RAB11FIP5: variants seen among roughly 807,000 people sequenced by gnomAD.
RAB11FIP5 encodes the protein rab11 family-interacting protein 5.
A neutral mutation model predicts 85.1 loss-of-function variants in RAB11FIP5; 48 were observed. The observed-to-expected ratio is 0.56, with a 90% CI of 0.45 to 0.72. The LOEUF (loss-of-function observed/expected upper bound fraction) is 0.72, where lower values mean the gene tolerates loss of function less well. RAB11FIP5 is among the 30% of genes least tolerant of loss of function. The probability of loss-of-function intolerance (pLI) is 0.00; values close to 1 mark genes in which losing one functional copy is unlikely to be tolerated. For missense variants in RAB11FIP5, 1,491 were observed against 1,687.0 expected (o/e 0.88, Z 2.04); for synonymous variants, 729 against 727.3 (o/e 1.00, Z -0.04).
At chr2:73,110,362 G>A (rs1041341273) in intron 1 of RAB11FIP5, among the ~76,000 whole-genome samples, 1 of 152,146 alleles carries the variant, frequency 6.6e-6, no homozygotes, top group Non-Finnish European at 1.5e-5. Flanking sequence ...ACCACAGCGG[G>A]GGTGACAGCC....
chr2:73,087,532 C>T (rs112517198), intron 3 of RAB11FIP5, among the ~76,000 whole-genome samples: 1,664 of 152,206 alleles, frequency 0.011, 20 homozygotes, highest in Non-Finnish European at 0.019. Context: ...GGTGAATGGA[C>T]GGGGGAAGGA....
rs549703489 is a variant in RAB11FIP5, at chr2:73,074,061, T to C, written c.*1460A>G. On this transcript the variant is annotated 3_prime_UTR_variant, in exon 6 of 6. Coordinates refer to ENST00000486777, the MANE Select transcript of RAB11FIP5 (RefSeq NM_001371272.1). ...GCTGCCAAAGTTCCCTGCAGATGCCTTGGGGAAGCCTACCATGTTTTCTAC... is the reference window on the plus strand; with the variant it reads ...GCTGCCAAAGTTCCCTGCAGATGCCCTGGGGAAGCCTACCATGTTTTCTAC... 6.6e-6 allele frequency: 1 copy of C among 152,354 alleles called. No individual in the cohort carries two copies. Among genetic ancestry groups the C allele is most frequent in the Non-Finnish European group, 1.5e-5 (1 of 68,048 alleles). 9.4% of individuals were successfully genotyped at this position (152,354 alleles called of 1,614,324 possible).
intron 1 of RAB11FIP5, among the ~76,000 whole-genome samples, chr2:73,105,875 C>T (rs1684515430): frequency 6.6e-6 from 1 of 152,046 alleles, no homozygotes; most frequent in Admixed American, 6.6e-5. Context: ...AGCCAGACTG[C>T]CTGGGTTCAC....
chr2:73,100,828 G>A lies in RAB11FIP5; in HGVS notation c.432-11513C>T, dbSNP rs191767701. ...TTTTTGTTTTTTTTTGTTTTGAGAC[G>A]GAGTCTCGTTCTGTTGCCCAGGCTG... On this transcript the variant is annotated intron_variant, in intron 1 of 5. Transcript: ENST00000486777. Among the ~76,000 whole-genome samples, 503 of 151,214 alleles carry A rather than the reference G, an allele frequency of 3.3e-3. 1 individual carries two copies. Among genetic ancestry groups the A allele is most frequent in the Middle Eastern group, 6.8e-3 (2 of 292 alleles).
At chr2:73,095,867 G>A (rs912697282) in intron 1 of RAB11FIP5, among the ~76,000 whole-genome samples, 5 of 152,068 alleles carry the variant, frequency 3.3e-5, no homozygotes, top group African/African-American at 1.2e-4. Context: ...CCTTTCAAAA[G>A]GTTGGCACAA....
chr2:73,111,524 C>G (rs1056543673), intron 1 of RAB11FIP5, among the ~76,000 whole-genome samples: 1 of 152,194 alleles, frequency 6.6e-6, no homozygotes, highest in African/African-American at 2.4e-5. Flanking sequence ...AAGGCTGAAG[C>G]CTTGATCTTA....
chr2:73,109,296 C>T (rs1202075691), intron 1 of RAB11FIP5, among the ~76,000 whole-genome samples: 1 of 152,178 alleles, frequency 6.6e-6, no homozygotes, highest in Non-Finnish European at 1.5e-5. Context: ...TCGGAGGCTG[C>T]TGAAGCACCT....
chr2:73,076,160 T>C lies in RAB11FIP5; in HGVS notation c.3604A>G (p.Ser1202Gly), dbSNP rs771433171. 1.2e-6 allele frequency: 2 copies of C among 1,611,764 alleles called. No homozygotes were observed. The highest frequency in any genetic ancestry group is 1.7e-5 in the Admixed American group (1 of 59,988). The change falls in exon 5 of 6, where the codon AGT (serine) becomes GGT (glycine). Residue 1202 changes from serine to glycine, a missense_variant. Ser to Gly is a moderately conservative substitution (Grantham distance 56, BLOSUM62 0). This residue lies in a region of RAB11FIP5 where 232 missense variants were observed against 259.1 expected (regional missense o/e 0.90). Coordinates refer to ENST00000486777, the MANE Select transcript of RAB11FIP5 (RefSeq NM_001371272.1). ...GGGCTGCCCTCCACAGGGGCGGCAC[T>C]GAGGGGCTTCACGGGGTGGGGACTG... is the stretch of plus-strand genomic sequence containing the variant. ...SASPHPVKPL[S>G]AAPVEGSPDR... is the part of the protein sequence containing the mutation.
intron 3 of RAB11FIP5, among the ~76,000 whole-genome samples, chr2:73,084,715 C>A (rs1307453712): frequency 1.3e-5 from 2 of 152,246 alleles, no homozygotes; most frequent in Non-Finnish European, 2.9e-5. Context: ...GCAGACAACT[C>A]TTCCTTGGGC....
At chr2:73,103,591 C>A (rs114024522) in intron 1 of RAB11FIP5, among the ~76,000 whole-genome samples, 2,944 of 152,288 alleles carry the variant, frequency 0.019, 40 homozygotes, top group African/African-American at 0.024. Context: ...GGTCATTCCA[C>A]CTCCTGAGAC....
intron 1 of RAB11FIP5, among the ~76,000 whole-genome samples, chr2:73,108,321 C>G (rs1325857373): frequency 6.6e-6 from 1 of 152,182 alleles, no homozygotes; most frequent in Non-Finnish European, 1.5e-5. Context: ...ATCCAACAGG[C>G]CCAGGATGAC....
At chr2:73,100,890 C>A (rs543916618) in intron 1 of RAB11FIP5, among the ~76,000 whole-genome samples, 2 of 152,124 alleles carry the variant, frequency 1.3e-5, no homozygotes, top group African/African-American at 2.4e-5. Flanking sequence ...CTGCAACCTA[C>A]GCCAGCCTGC....
At chr2:73,084,944 G>A (rs535090599) in intron 3 of RAB11FIP5, among the ~76,000 whole-genome samples, 3 of 152,310 alleles carry the variant, frequency 2.0e-5, no homozygotes, top group Admixed American at 2.0e-4. Flanking sequence ...TCCAAGAGAC[G>A]GGTACATCCT....
chr2:73,080,872 G>A lies in RAB11FIP5; in HGVS notation c.2360C>T (p.Ser787Phe). 1 of 1,232,472 alleles carries A rather than the reference G, an allele frequency of 8.1e-7. No individual in the cohort carries two copies. Among genetic ancestry groups the A allele is most frequent in the Non-Finnish European group, 1.0e-6 (1 of 988,216 alleles). 76.3% of individuals were successfully genotyped at this position (1,232,472 alleles called of 1,614,324 possible). The change falls in exon 4 of 6, where the codon TCT becomes TTT. Residue 787 changes from serine (S) to phenylalanine (F), a missense_variant. By Grantham distance (155) the Ser-to-Phe change is radical. This residue lies in a region of RAB11FIP5 where 1,211 missense variants were observed against 1,338.0 expected (regional missense o/e 0.91). Transcript: ENST00000486777. Reference protein sequence around the residue: ...AGQSPADSGTSLFSSPEVISV... With the variant: ...AGQSPADSGTFLFSSPEVISV... ...GATCACTTCTGGGGAGCTAAATAGA[G>A]ATGTCCCACTGTCTGCCGGACTCTG...
At chr2:73,083,509 A>T (rs193016972) in intron 3 of RAB11FIP5, among the ~76,000 whole-genome samples, 170 of 152,152 alleles carry the variant, frequency 1.1e-3, no homozygotes, top group African/African-American at 3.9e-3. Flanking sequence ...CATCCCCTCC[A>T]CCTAAAGATG....
In RAB11FIP5 at chr2:73,088,135, G is replaced by C; in HGVS notation, c.1483C>G (p.Pro495Ala). 6.2e-7 allele frequency: 1 copy of C among 1,614,056 alleles called. No homozygotes were observed. Among genetic ancestry groups the C allele is most frequent in the Non-Finnish European group, 8.5e-7 (1 of 1,180,008 alleles). ...EKGGPILGAS[P>A]HHSSSGEEKA... is the part of the protein sequence containing the mutation. ...TCCTCCCCACTGGATGAGTGATGTG[G>C]GGAGGCCCCCAGGATGGGACCCCCC... Residue 495 changes from proline to alanine, a missense_variant, in exon 3 of 6, where the codon CCA becomes GCA. By Grantham distance (27) the Pro-to-Ala change is conservative. This residue lies in a region of RAB11FIP5 where 1,211 missense variants were observed against 1,338.0 expected (regional missense o/e 0.91). Transcript: ENST00000486777.
At chr2:73,079,303 G>A (rs1490739246) in intron 4 of RAB11FIP5, among the ~76,000 whole-genome samples, 1 of 152,050 alleles carries the variant, frequency 6.6e-6, no homozygotes, top group East Asian at 1.9e-4. Context: ...GCGGCTGAGT[G>A]CACACACTCC....
chr2:73,087,241 G>A (rs1307616600), intron 3 of RAB11FIP5, among the ~76,000 whole-genome samples: 3 of 152,196 alleles, frequency 2.0e-5, no homozygotes, highest in Non-Finnish European at 4.4e-5. Context: ...ACCTGTACCT[G>A]GAGCCCCTCT....
At chr2:73,106,483 T>G (rs759278300) in intron 1 of RAB11FIP5, among the ~76,000 whole-genome samples, 1 of 152,086 alleles carries the variant, frequency 6.6e-6, no homozygotes, top group East Asian at 1.9e-4. Context: ...ATATCCAGGC[T>G]TCCCCCCCTT....
Sources: gnomAD v4.1 joint callset for allele counts (sites outside exome capture counted in the v4.1 genomes callset) on GRCh38, gnomAD v4.1.1 for gene constraint, gnomAD v4.1.1 regional missense constraint, MANE v1.5 for transcripts, NCBI Gene and HGNC (gene_info 2026-07-23, HGNC 2026-07-21) for gene names.